The following PACRG variants were observed in gnomAD, a reference collection of about 807,000 sequenced individuals.
PACRG encodes parkin coregulated, also known as parkin coregulated gene protein.
In PACRG, 29 loss-of-function variants were observed where a neutral mutation model predicts 29.7. That is an observed-to-expected ratio of 0.98 (90% confidence interval 0.73 to 1.33). The LOEUF (loss-of-function observed/expected upper bound fraction) is 1.33. Among genes scored for constraint, PACRG ranks in the 40% most tolerant of loss-of-function variants. The probability of loss-of-function intolerance (pLI) is 0.00; values close to 1 mark genes in which losing one functional copy is unlikely to be tolerated. For synonymous variants in PACRG, 116 were observed against 118.7 expected (o/e 0.98, Z 0.15); for missense variants, 279 against 316.2 (o/e 0.88, Z 0.89).
intron 2 of PACRG, among the ~76,000 whole-genome samples, chr6:162,885,624 C>A (rs1794268388): frequency 6.6e-6 from 1 of 152,076 alleles, no homozygotes; most frequent in South Asian, 2.1e-4. Flanking sequence ...ATGTATTGAT[C>A]GTTGATGAAA....
At chr6:162,951,198 A>G (rs1409269449) in intron 2 of PACRG, among the ~76,000 whole-genome samples, 5 of 152,358 alleles carry the variant, frequency 3.3e-5, no homozygotes, top group Non-Finnish European at 7.3e-5. Context: ...TTGTAATGCA[A>G]TGATGTTCTA....
intron 2 of PACRG, among the ~76,000 whole-genome samples, chr6:162,969,354 C>A (rs933605538): frequency 6.6e-5 from 10 of 151,942 alleles, no homozygotes; most frequent in African/African-American, 2.2e-4. Context: ...CATCAAATTC[C>A]TGCCCTCTCT....
intron 2 of PACRG, among the ~76,000 whole-genome samples, chr6:163,049,589 A>C (rs1809773308): frequency 6.6e-6 from 1 of 152,086 alleles, no homozygotes; most frequent in South Asian, 2.1e-4. Context: ...AATATAAAAG[A>C]TCTCTTGAAA....
chr6:162,838,452 A>C (rs1279449812), intron 2 of PACRG, among the ~76,000 whole-genome samples: 1 of 152,194 alleles, frequency 6.6e-6, no homozygotes, highest in Admixed American at 6.5e-5. Flanking sequence ...GTTGATCGGA[A>C]ATCAGCCAAT....
chr6:163,008,259 A>C (rs1805306197), intron 2 of PACRG, among the ~76,000 whole-genome samples: 1 of 152,144 alleles, frequency 6.6e-6, no homozygotes, highest in South Asian at 2.1e-4. Context: ...ACAGATCGCC[A>C]CAGGGACTTC....
At chr6:163,261,708 T>C (rs978129894) in intron 4 of PACRG, among the ~76,000 whole-genome samples, 2 of 152,208 alleles carry the variant, frequency 1.3e-5, no homozygotes, top group Admixed American at 1.3e-4. Flanking sequence ...AATATGCCTG[T>C]ACTGAACATA....
chr6:163,001,274 A>G (rs1036355904), intron 2 of PACRG, among the ~76,000 whole-genome samples: 2 of 152,250 alleles, frequency 1.3e-5, no homozygotes, highest in South Asian at 2.1e-4. Flanking sequence ...AGCAGACACC[A>G]CAATTCTCCA....
chr6:163,311,828 A>G (rs971803961), intron 4 of PACRG, among the ~76,000 whole-genome samples: 1 of 152,122 alleles, frequency 6.6e-6, no homozygotes, highest in African/African-American at 2.4e-5. Flanking sequence ...TTTTAAAAGT[A>G]AGAACATGAG....
intron 4 of PACRG, among the ~76,000 whole-genome samples, chr6:163,110,819 A>G (rs563703966): frequency 6.6e-6 from 1 of 152,312 alleles, no homozygotes; most frequent in South Asian, 2.1e-4. Context: ...TGAAAGGGCC[A>G]TGGTATGGCT....
intron 2 of PACRG, among the ~76,000 whole-genome samples, chr6:163,030,215 C>T (rs528651433): frequency 8.5e-5 from 13 of 152,262 alleles, no homozygotes; most frequent in African/African-American, 2.9e-4. Flanking sequence ...TGTGCCTTAC[C>T]TGGGCAGGAA....
intron 1 of PACRG, among the ~76,000 whole-genome samples, chr6:162,800,424 T>G (rs1785758353): frequency 6.6e-6 from 1 of 152,188 alleles, no homozygotes; most frequent in Admixed American, 6.5e-5. Flanking sequence ...TATAGAGACA[T>G]TTTTGAAATG....
chr6:162,897,584 A>G (rs571267451), intron 2 of PACRG, among the ~76,000 whole-genome samples: 4 of 152,358 alleles, frequency 2.6e-5, no homozygotes, highest in African/African-American at 9.6e-5. Flanking sequence ...CCTATGTTCC[A>G]TTAAATGCAA....
chr6:163,019,362 C>T (rs1369416637), intron 2 of PACRG, among the ~76,000 whole-genome samples: 1 of 152,146 alleles, frequency 6.6e-6, no homozygotes, highest in Non-Finnish European at 1.5e-5. Context: ...GATCTGCCTT[C>T]TCTTCTGTCT....
intron 4 of PACRG, among the ~76,000 whole-genome samples, chr6:163,211,034 A>G (rs544267941): frequency 6.6e-6 from 1 of 152,202 alleles, no homozygotes; most frequent in African/African-American, 2.4e-5. Flanking sequence ...CTTATTTGAC[A>G]ATACTAAATT....
intron 1 of PACRG, among the ~76,000 whole-genome samples, chr6:162,780,787 C>T (rs927090417): frequency 1.6e-4 from 24 of 151,800 alleles, no homozygotes; most frequent in East Asian, 1.4e-3. Flanking sequence ...ATCAAAGGCA[C>T]GTTAGATATT....
chr6:163,208,837 T>G (rs1781017696), intron 4 of PACRG, among the ~76,000 whole-genome samples: 1 of 152,218 alleles, frequency 6.6e-6, no homozygotes, highest in Admixed American at 6.5e-5. Flanking sequence ...GAAAACAAAG[T>G]ACCGGTCTAC....
chr6:162,763,406 G>A (rs1461515212), intron 1 of PACRG, among the ~76,000 whole-genome samples: 1 of 152,162 alleles, frequency 6.6e-6, no homozygotes, highest in Non-Finnish European at 1.5e-5. Context: ...AGTTGAAGAA[G>A]CACATCCATT....
chr6:162,931,990 T>G (rs563704092), intron 2 of PACRG, among the ~76,000 whole-genome samples: 9 of 152,082 alleles, frequency 5.9e-5, no homozygotes, highest in African/African-American at 2.2e-4. Context: ...GTAAATACCC[T>G]AAACTGGAAA....
chr6:162,852,824 A>T (rs922242051), intron 2 of PACRG, among the ~76,000 whole-genome samples: 1 of 152,248 alleles, frequency 6.6e-6, no homozygotes. Flanking sequence ...CAACAATCAC[A>T]TAGCAATTCA....
Sources: gnomAD v4.1 joint callset for allele counts (sites outside exome capture counted in the v4.1 genomes callset) on GRCh38, gnomAD v4.1.1 for gene constraint, MANE v1.5 for transcripts, NCBI Gene and HGNC (gene_info 2026-07-23, HGNC 2026-07-21) for gene names.